Variants in ZBTB43 observed in about 807,000 individuals in gnomAD.
ZBTB43 encodes the protein zinc finger and BTB domain containing 43.
In ZBTB43, 6 loss-of-function variants were observed where a neutral mutation model predicts 31.1. The ratio of observed to expected loss-of-function variants is 0.19; its 90% CI spans 0.11 to 0.38. The LOEUF (loss-of-function observed/expected upper bound fraction) is 0.38. Ranked by LOEUF, ZBTB43 falls within the 10% of genes least tolerant of loss-of-function variation. The pLI, the probability that ZBTB43 is intolerant of heterozygous loss-of-function variation, is 1.00. For missense variants in ZBTB43, 379 were observed against 602.1 expected (o/e 0.63, Z 3.88); for synonymous variants, 212 against 221.7 (o/e 0.96, Z 0.39).
chr9:126,823,667 C>G (rs995748403), intron 2 of ZBTB43, among the ~76,000 whole-genome samples: 31 of 151,954 alleles, frequency 2.0e-4, no homozygotes, highest in African/African-American at 6.8e-4. Context: ...TTCCTCAATT[C>G]TTCCATTATT....
chr9:126,821,312 G>T (rs2032504058), intron 2 of ZBTB43, among the ~76,000 whole-genome samples: 1 of 152,010 alleles, frequency 6.6e-6, no homozygotes, highest in Non-Finnish European at 1.5e-5. Context: ...GGAGGCAGAG[G>T]TTGCAGTGAG....
chr9:126,819,898 AG>A (rs2032473811), intron 2 of ZBTB43, among the ~76,000 whole-genome samples: 1 of 152,234 alleles, frequency 6.6e-6, no homozygotes, highest in African/African-American at 2.4e-5. Flanking sequence ...GCTGAGAGAA[AG>A]TTTTAGTGGT....
chr9:126,828,559 G>A (rs1197669400), intron 2 of ZBTB43, among the ~76,000 whole-genome samples: 6 of 149,296 alleles, frequency 4.0e-5, no homozygotes, highest in Non-Finnish European at 8.9e-5. Flanking sequence ...CTGGGAGGCC[G>A]AGGCGGGAGG....
chr9:126,827,140 G>A (rs1482113115), intron 2 of ZBTB43, among the ~76,000 whole-genome samples: 1 of 152,196 alleles, frequency 6.6e-6, no homozygotes, highest in Non-Finnish European at 1.5e-5. Context: ...CTTGTTCCAT[G>A]TAGTTGCTTA....
intron 2 of ZBTB43, among the ~76,000 whole-genome samples, chr9:126,815,564 T>C (rs2032365262): frequency 6.6e-6 from 1 of 151,422 alleles, no homozygotes; most frequent in Non-Finnish European, 1.5e-5. Flanking sequence ...AGCTCACTAA[T>C]GTTCTGCAGT....
chr9:126,829,240 C>G (rs1457589823), intron 2 of ZBTB43, among the ~76,000 whole-genome samples: 1 of 152,164 alleles, frequency 6.6e-6, no homozygotes, highest in Non-Finnish European at 1.5e-5. Context: ...TGCTTGATGA[C>G]CCAAGAGTTC....
intron 1 of ZBTB43, among the ~76,000 whole-genome samples, chr9:126,805,868 G>T (rs1212413184): frequency 3.9e-5 from 6 of 152,076 alleles, no homozygotes; most frequent in Middle Eastern, 3.2e-3. Context: ...AGTTTGGGTG[G>T]GGCAGGGCTG....
At chr9:126,830,242 A>G (rs188461913) in intron 2 of ZBTB43, among the ~76,000 whole-genome samples, 1 of 152,358 alleles carries the variant, frequency 6.6e-6, no homozygotes, top group African/African-American at 2.4e-5. Flanking sequence ...AGTCCCTAAC[A>G]TATCATAATT....
rs1588371027 is a variant in ZBTB43, at chr9:126,834,728, C to T, written c.*815C>T. On this transcript the variant is annotated 3_prime_UTR_variant, in exon 3 of 3. Coordinates refer to ENST00000373464, the MANE Select transcript of ZBTB43 (RefSeq NM_014007.4). Reference sequence around the variant, plus strand: ...CAAATCCTGTTTGGTTAATTGTAGCCTCCATACAGTGGGGTCTTCTCTGTG... The same window carrying T: ...CAAATCCTGTTTGGTTAATTGTAGCTTCCATACAGTGGGGTCTTCTCTGTG... 6.0e-6 allele frequency: 1 copy of T among 167,142 alleles called. No individual in the cohort carries two copies. The highest frequency in any genetic ancestry group is 3.4e-3 in the Middle Eastern group (1 of 296). 10.4% of individuals were successfully genotyped at this position (167,142 alleles called of 1,614,324 possible). A position where few individuals can be genotyped will look rare whatever the true frequency, so the allele number is the denominator to read the frequency against.
chr9:126,807,820 GA>G (rs2119103948), intron 1 of ZBTB43, among the ~76,000 whole-genome samples: 1 of 152,140 alleles, frequency 6.6e-6, no homozygotes, highest in Admixed American at 6.6e-5. Context: ...ATTTTTAGTA[GA>G]GACAGAGTTT....
At chr9:126,819,597 G>A (rs1230640355) in intron 2 of ZBTB43, among the ~76,000 whole-genome samples, 4 of 151,084 alleles carry the variant, frequency 2.6e-5, no homozygotes, top group Non-Finnish European at 4.4e-5. Flanking sequence ...TTCCCCCTCT[G>A]TTCAGGCCTC....
At chr9:126,809,044 C>T (rs1244120461) in intron 2 of ZBTB43, 129 bp downstream of exon 2, 1 of 152,170 alleles carries the variant, frequency 6.6e-6, no homozygotes, top group Non-Finnish European at 1.5e-5. Context: ...TCTTTCTTCT[C>T]TTCTGAAGAG....
At chr9:126,828,183 A>AT (rs1425595269) in intron 2 of ZBTB43, among the ~76,000 whole-genome samples, 2 of 151,510 alleles carry the variant, frequency 1.3e-5, no homozygotes, top group Non-Finnish European at 2.9e-5. Flanking sequence ...AGGTTTTATT[A>AT]TTTATTTATT....
intron 2 of ZBTB43, among the ~76,000 whole-genome samples, chr9:126,814,670 G>A (rs909287352): frequency 7.2e-5 from 11 of 152,034 alleles, no homozygotes; most frequent in East Asian, 1.9e-4. Flanking sequence ...GTGGATGCCC[G>A]TAGTCCCAGC....
At position 126,808,809 on chromosome 9, in the gene ZBTB43, A is replaced by C. The variant is rs1329733935; in HGVS notation, c.-130A>C. On this transcript the variant is annotated 5_prime_UTR_variant, in exon 2 of 3. Coordinates refer to ENST00000373464, the MANE Select transcript of ZBTB43 (RefSeq NM_014007.4). ...TCCTTCCAGAAGTCAATGTGATTTT[A>C]ATTTGAAGCAAAACTGAAATGGGTT... The C allele has an allele frequency of 1.3e-5, 2 of 152,108 alleles. No homozygotes were observed. The highest frequency in any genetic ancestry group is 2.9e-5 in the Non-Finnish European group (2 of 68,008). The allele number at this position is 152,108 out of a possible 1,614,324, so 9.4% of individuals were successfully genotyped here.
In ZBTB43 at chr9:126,833,106, G is replaced by A. The variant is rs34266321; in HGVS notation, c.597G>A (p.Ser199=). 1,301 of 1,614,076 alleles carry A rather than the reference G, an allele frequency of 8.1e-4. 1 individual carries two copies. The highest frequency in any genetic ancestry group is 1.0e-3 in the Non-Finnish European group (1,218 of 1,180,036). The change falls in exon 3 of 3, where the codon TCG becomes TCA. Residue 199 remains serine, a synonymous_variant. Coordinates refer to ENST00000373464, the MANE Select transcript of ZBTB43 (RefSeq NM_014007.4). This position sits in a 1 kb window ranked among gnomAD's most constrained non-coding sequence, Gnocchi z 7.9. ...AGCACGAATACCTGCCCAGCAACTC[G>A]TCCACAGAGCATGACCGCCTGAGCA... The part of the protein sequence containing the change: ...LTEHEYLPSN[S]STEHDRLSTE...
intron 2 of ZBTB43, among the ~76,000 whole-genome samples, chr9:126,816,178 G>A (rs74812320): frequency 0.01 from 1,552 of 152,144 alleles, 27 homozygotes; most frequent in African/African-American, 0.036. Context: ...GCTGTACATC[G>A]ATCTCTCTTC....
chr9:126,807,883 G>A (rs1564198196), intron 1 of ZBTB43, among the ~76,000 whole-genome samples: 1 of 152,150 alleles, frequency 6.6e-6, no homozygotes, highest in East Asian at 1.9e-4. Flanking sequence ...TGATCCACCT[G>A]CCTTGGCCTC....
At chr9:126,823,957 A>T (rs1379995638) in intron 2 of ZBTB43, among the ~76,000 whole-genome samples, 1 of 152,162 alleles carries the variant, frequency 6.6e-6, no homozygotes, top group Non-Finnish European at 1.5e-5. Flanking sequence ...TAAATTTATA[A>T]TTGTTTTATG....
Sources: allele counts gnomAD v4.1 joint callset (sites outside exome capture counted in the v4.1 genomes callset), GRCh38; gene constraint gnomAD v4.1.1; non-coding constraint Gnocchi (gnomAD v3.1); transcripts MANE v1.5; gene names NCBI Gene and HGNC (gene_info 2026-07-23, HGNC 2026-07-21).